The following KRT7 variants were observed in gnomAD, a reference collection of about 807,000 sequenced individuals.
KRT7 encodes the protein keratin 7, also known as keratin, type II cytoskeletal 7.
Under a neutral mutation model 42.8 loss-of-function variants are expected in KRT7, and 50 were observed. The observed-to-expected ratio is 1.17, with a 90% CI of 0.93 to 1.48. The LOEUF (loss-of-function observed/expected upper bound fraction) is 1.48. KRT7 is among the 40% of genes most tolerant of loss of function. KRT7 has a pLI of 0.00. For missense variants in KRT7, 588 were observed against 637.6 expected, an observed-to-expected ratio of 0.92 and a Z score of 0.84; for synonymous variants, 268 against 266.3, an observed-to-expected ratio of 1.01 and a Z score of -0.06.
chr12:52,239,407 T>A (rs979729763), intron 4 of KRT7, among the ~76,000 whole-genome samples: 8 of 152,222 alleles, frequency 5.3e-5, no homozygotes, highest in Non-Finnish European at 1.2e-4. Context: ...TTTGCTGACC[T>A]AAGCCAATTT....
At chr12:52,241,807 A>G in intron 5 of KRT7, 171 bp downstream of exon 5, 1 of 563,278 alleles carries the variant, frequency 1.8e-6, no homozygotes. Context: ...ATGGGAGGAC[A>G]GGGCAGAGGA....
chr12:52,255,366 A>G (rs1260463497), downstream of KRT7: 2 of 456,688 alleles, frequency 4.4e-6, no homozygotes, highest in Admixed American at 2.3e-5. Context: ...CAAGGCCACA[A>G]ATTCATTCTC....
chr12:52,245,015 G>A (rs1428997755), intron 6 of KRT7: 1 of 206,746 alleles, frequency 4.8e-6, no homozygotes, highest in African/African-American at 2.4e-5. Context: ...CTGGGGGACT[G>A]GGGGTTTGAA....
chr12:52,253,285 G>T, downstream of KRT7: 1 of 1,612,658 alleles, frequency 6.2e-7, no homozygotes. Context: ...TCTCCTCCTT[G>T]GTGCGGCGCA....
intron 4 of KRT7, among the ~76,000 whole-genome samples, chr12:52,239,183 C>T (rs1187146694): frequency 6.6e-6 from 1 of 152,132 alleles, no homozygotes; most frequent in East Asian, 1.9e-4. Context: ...CATTGCAATC[C>T]TAGTCAGCTC....
At chr12:52,253,378 C>T (rs747166029), downstream of KRT7, 1 of 1,605,682 alleles carries the variant, frequency 6.2e-7, no homozygotes, top group South Asian at 1.1e-5. Context: ...AGGGTGGGAC[C>T]TCCCATCCAT....
At chr12:52,253,499 A>T, downstream of KRT7, 2 of 1,562,464 alleles carry the variant, frequency 1.3e-6, no homozygotes, top group African/African-American at 2.7e-5. Context: ...TTATCTTCCC[A>T]TCCGTAGGGA....
intron 7 of KRT7, chr12:52,247,415 C>T (rs1409856851): frequency 6.6e-6 from 1 of 151,622 alleles, no homozygotes; most frequent in Non-Finnish European, 1.5e-5. Context: ...TGCCTGCTTC[C>T]TGGGCTTGGG....
At chr12:52,241,775 C>G in intron 5 of KRT7, 139 bp downstream of exon 5, 1 of 694,478 alleles carries the variant, frequency 1.4e-6, no homozygotes, top group South Asian at 2.0e-5. Context: ...CTGTGGTGCT[C>G]AGCCCTGGAG....
intron 3 of KRT7, chr12:52,237,842 A>G (rs886342340): frequency 4.0e-5 from 12 of 296,668 alleles, no homozygotes; most frequent in African/African-American, 2.6e-4. Flanking sequence ...GGAGATTTCA[A>G]CACTGAATAA....
At chr12:52,241,400 G>T in intron 4 of KRT7, 72 bp from the exon 5 acceptor site, 1 of 1,324,714 alleles carries the variant, frequency 7.5e-7, no homozygotes, top group Admixed American at 2.3e-5. Context: ...TCCTTTGTGA[G>T]TGGGGAATCC....
At position 52,241,502 on chromosome 12, in the gene KRT7, G is replaced by A. The variant is rs774081323; in HGVS notation, c.724G>A (p.Asp242Asn). 131 of 1,613,210 alleles carry A rather than the reference G, an allele frequency of 8.1e-5. No individual in the cohort carries two copies. Among genetic ancestry groups the A allele is most frequent in the Non-Finnish European group, 1.0e-4 (121 of 1,179,586 alleles). Residue 242 changes from aspartate (D) to asparagine (N), a missense_variant, in exon 5 of 9, where the codon GAC (aspartate) becomes AAC (asparagine). Asp to Asn is a conservative substitution (Grantham distance 23). Transcript: ENST00000331817. ...ELTELQSQISDTSVVLSMDNS... is the reference protein window; with the variant it reads ...ELTELQSQISNTSVVLSMDNS... Reference sequence around the variant, plus strand: ...GACAGAGCTGCAGTCCCAGATCTCCGACACATCTGTGGTGCTGTCCATGGA... The same window carrying A: ...GACAGAGCTGCAGTCCCAGATCTCCAACACATCTGTGGTGCTGTCCATGGA...
At chr12:52,241,395 T>C in intron 4 of KRT7, 77 bp from the exon 5 acceptor site, 1 of 1,290,930 alleles carries the variant, frequency 7.7e-7, no homozygotes, top group South Asian at 1.5e-5. Context: ...TTCTTTCCTT[T>C]GTGAGTGGGG....
In KRT7 at chr12:52,233,269, C is replaced by A. The variant is rs1356644179; in HGVS notation, c.-28C>A. On this transcript the variant is annotated 5_prime_UTR_variant, in exon 1 of 9. Coordinates refer to ENST00000331817, the MANE Select transcript of KRT7 (RefSeq NM_005556.4). ...GCGAGTGCGCGCTCCTCCTCGCCCGCCGCTAGGTCCATCCCGGCCCAGCCA... is the reference window on the plus strand; with the variant it reads ...GCGAGTGCGCGCTCCTCCTCGCCCGACGCTAGGTCCATCCCGGCCCAGCCA... 8.0e-6 allele frequency: 12 copies of A among 1,501,350 alleles called. No individual in the cohort carries two copies. The highest frequency in any genetic ancestry group is 9.7e-6 in the Non-Finnish European group (11 of 1,129,570). The allele number at this position is 1,501,350 out of a possible 1,614,324, so 93.0% of individuals were successfully genotyped here.
At chr12:52,233,919 A>G (rs1902761) in intron 1 of KRT7, among the ~76,000 whole-genome samples, 1 of 152,054 alleles carries the variant, frequency 6.6e-6, no homozygotes, top group African/African-American at 2.4e-5. Flanking sequence ...CCTGTTGGTC[A>G]CCTGGACCAG....
downstream of KRT7, among the ~76,000 whole-genome samples, chr12:52,250,151 G>C (rs988583543): frequency 9.2e-5 from 14 of 152,320 alleles, no homozygotes; most frequent in African/African-American, 3.4e-4. Context: ...CCACACCAAG[G>C]GGCTCCAGGC....
chr12:52,249,975 G>A (rs1004896738), downstream of KRT7, among the ~76,000 whole-genome samples: 2 of 152,188 alleles, frequency 1.3e-5, no homozygotes, highest in African/African-American at 4.8e-5. Context: ...GACCAAGTGG[G>A]CAAGAGGAAG....
At chr12:52,244,663 A>T in intron 6 of KRT7, 2 of 984,786 alleles carry the variant, frequency 2.0e-6, no homozygotes, top group Non-Finnish European at 2.4e-6. Context: ...TGGTTTTCTG[A>T]GCTAAACAAG....
chr12:52,253,855 C>A, downstream of KRT7: 1 of 461,922 alleles, frequency 2.2e-6, no homozygotes, highest in South Asian at 1.7e-5. Context: ...TCCCCTTTCC[C>A]TGCTTCTTCG....
Sources: gnomAD v4.1 joint callset for allele counts (sites outside exome capture counted in the v4.1 genomes callset) on GRCh38, gnomAD v4.1.1 for gene constraint, MANE v1.5 for transcripts, NCBI Gene and HGNC (gene_info 2026-07-23, HGNC 2026-07-21) for gene names.